TENM4: variants seen among roughly 807,000 people sequenced by gnomAD.
TENM4 encodes teneurin transmembrane protein 4.
A neutral mutation model predicts 243.3 loss-of-function variants in TENM4; 82 were observed. The ratio of observed to expected loss-of-function variants is 0.34; its 90% CI spans 0.28 to 0.40. TENM4 has a LOEUF of 0.40. TENM4 is among the 10% of genes least tolerant of loss of function. The pLI is 1.00. For missense variants in TENM4, 3,138 were observed against 3,673.3 expected, an observed-to-expected ratio of 0.85 and a Z score of 3.77; for synonymous variants, 1,412 against 1,456.3, an observed-to-expected ratio of 0.97 and a Z score of 0.69.
chr11:78,849,039 C>T (rs1858467420), intron 12 of TENM4, among the ~76,000 whole-genome samples: 1 of 152,142 alleles, frequency 6.6e-6, no homozygotes, highest in South Asian at 2.1e-4. Context: ...CATTTCTTTT[C>T]TCTAGGTTTC....
chr11:79,284,209 C>A (rs1856208893), intron 2 of TENM4, among the ~76,000 whole-genome samples: 1 of 152,054 alleles, frequency 6.6e-6, no homozygotes, highest in Admixed American at 6.5e-5. Context: ...CTAGTGTATC[C>A]TGAACTTTAT....
chr11:78,694,603 C>T (rs762581332), intron 28 of TENM4, among the ~76,000 whole-genome samples: 2 of 152,146 alleles, frequency 1.3e-5, no homozygotes, highest in Non-Finnish European at 2.9e-5. Context: ...CCTGGCTTGG[C>T]GACTCATGGC....
chr11:78,840,336 T>C lies in TENM4; in HGVS notation c.1681+13768A>G, dbSNP rs565377340. On this transcript the variant is annotated intron_variant, in intron 12 of 33. Coordinates refer to ENST00000278550, the MANE Select transcript of TENM4 (RefSeq NM_001098816.3). Reference sequence around the variant, plus strand: ...TCTTGGCCTATGACACAAATGAAAATAAAAAAAAAATCAGGCTGACATGTA... The same window carrying C: ...TCTTGGCCTATGACACAAATGAAAACAAAAAAAAAATCAGGCTGACATGTA... Among the ~76,000 whole-genome samples, 25 of 148,040 alleles carry C rather than the reference T, an allele frequency of 1.7e-4. 1 individual carries two copies. The South Asian group carries it at 5.1e-3, about 30-fold the overall frequency.
intron 7 of TENM4, among the ~76,000 whole-genome samples, chr11:78,897,323 T>A (rs1855821113): frequency 6.6e-6 from 1 of 152,126 alleles, no homozygotes; most frequent in Non-Finnish European, 1.5e-5. Flanking sequence ...GATTCTGCTT[T>A]TCTGCCTTTC....
intron 6 of TENM4, among the ~76,000 whole-genome samples, chr11:78,934,552 A>T (rs145269718): frequency 6.6e-6 from 1 of 152,156 alleles, no homozygotes; most frequent in Non-Finnish European, 1.5e-5. Flanking sequence ...CTCTGAGTCT[A>T]TGAAATCCAC....
intron 27 of TENM4, among the ~76,000 whole-genome samples, chr11:78,704,032 T>C (rs1029702533): frequency 1.5e-4 from 21 of 136,592 alleles, no homozygotes; most frequent in East Asian, 1.0e-3. Context: ...CACATATATA[T>C]ATACACACAC....
intron 1 of TENM4, among the ~76,000 whole-genome samples, chr11:79,419,925 A>T (rs941863967): frequency 6.6e-6 from 1 of 152,148 alleles, no homozygotes; most frequent in Non-Finnish European, 1.5e-5. Context: ...GAGTTTGAGT[A>T]TGAGACTTCC....
At chr11:79,020,086 T>G (rs2136796948) in intron 6 of TENM4, among the ~76,000 whole-genome samples, 1 of 152,328 alleles carries the variant, frequency 6.6e-6, no homozygotes, top group Admixed American at 6.5e-5. Flanking sequence ...AACTCATCAC[T>G]TCTTTGTTAA....
intron 1 of TENM4, among the ~76,000 whole-genome samples, chr11:79,371,517 A>G (rs929069320): frequency 6.6e-6 from 1 of 152,174 alleles, no homozygotes; most frequent in African/African-American, 2.4e-5. Context: ...TTAGTTCTCC[A>G]AGGAATCCTC....
intron 2 of TENM4, among the ~76,000 whole-genome samples, chr11:79,248,220 G>T (rs375252167): frequency 6.6e-6 from 1 of 152,176 alleles, no homozygotes; most frequent in Non-Finnish European, 1.5e-5. Context: ...CTCCCCACAA[G>T]GTACCTGGCA....
At chr11:78,736,445 A>AGAGT (rs951605034) in intron 20 of TENM4, among the ~76,000 whole-genome samples, 1 of 145,182 alleles carries the variant, frequency 6.9e-6, no homozygotes, top group African/African-American at 2.6e-5. Flanking sequence ...GATTTCAGCA[A>AGAGT]GTGTGTGTGT....
At chr11:78,712,835 C>T in intron 25 of TENM4, 121 bp from the exon 26 acceptor site, 1 of 946,590 alleles carries the variant, frequency 1.1e-6, no homozygotes, top group Non-Finnish European at 1.6e-6. Flanking sequence ...GGGGATGATG[C>T]CCCTATTTTG....
In TENM4 at chr11:78,738,529, C is replaced by T. The variant is rs757872169; in HGVS notation, c.2798G>A (p.Gly933Glu). The change falls in exon 20 of 34, where the codon GGA (glycine) becomes GAA (glutamate). Residue 933 changes from glycine to glutamate, a missense_variant. Gly to Glu is a moderately conservative substitution (Grantham distance 98, BLOSUM62 -2). Coordinates refer to ENST00000278550, the MANE Select transcript of TENM4 (RefSeq NM_001098816.3). Reference protein sequence around the residue: ...VIRGQVMTSDGTPLVGVNISF... With the variant: ...VIRGQVMTSDETPLVGVNISF... ...GATGTTCACACCAACCAGGGGGGTT[C>T]CATCTGATGTCATCACTTGGCCACG... The T allele has an allele frequency of 1.1e-5, 17 of 1,613,822 alleles. No individual in the cohort carries two copies. The South Asian group carries it at 1.9e-4, about 18-fold the overall frequency.
chr11:79,024,766 C>T (rs1859032527), intron 6 of TENM4, among the ~76,000 whole-genome samples: 1 of 152,296 alleles, frequency 6.6e-6, no homozygotes, highest in South Asian at 2.1e-4. Context: ...TTATGTATTA[C>T]TGCAGAGTTC....
At position 78,658,009 on chromosome 11, in the gene TENM4, G is replaced by A. The variant is rs753762609; in HGVS notation, c.*49C>T. On this transcript the variant is annotated 3_prime_UTR_variant, in exon 34 of 34. Coordinates refer to ENST00000278550, the MANE Select transcript of TENM4 (RefSeq NM_001098816.3). The stretch of plus-strand genomic sequence containing the variant: ...AAAAGTACAACACAGTCAGGTATGC[G>A]GCCACAAAAGAGTAGCTGTCTTTGG... 31 of 1,607,936 alleles carry A rather than the reference G, an allele frequency of 1.9e-5. 1 individual carries two copies. The Middle Eastern group carries it at 1.3e-3, about 68-fold the overall frequency.
chr11:79,081,613 C>G (rs1860677312), intron 4 of TENM4, among the ~76,000 whole-genome samples: 1 of 151,258 alleles, frequency 6.6e-6, no homozygotes, highest in Non-Finnish European at 1.5e-5. Flanking sequence ...TGTTCAGAAA[C>G]CAAAGGCTCT....
intron 2 of TENM4, among the ~76,000 whole-genome samples, chr11:79,292,696 C>T (rs905229779): frequency 6.6e-6 from 1 of 152,238 alleles, no homozygotes; most frequent in Non-Finnish European, 1.5e-5. Context: ...AAGCACCAAG[C>T]TTTCATGTCA....
At chr11:79,052,054 G>T (rs1348182040) in intron 6 of TENM4, among the ~76,000 whole-genome samples, 2 of 152,108 alleles carry the variant, frequency 1.3e-5, no homozygotes, top group Non-Finnish European at 2.9e-5. Flanking sequence ...CCATGTTTTT[G>T]CTATTGTAAA....
chr11:79,390,992 C>G (rs1858221734), intron 1 of TENM4, among the ~76,000 whole-genome samples: 1 of 152,138 alleles, frequency 6.6e-6, no homozygotes, highest in African/African-American at 2.4e-5. Context: ...TTTGCTTGAG[C>G]CTGGCTTTAG....
Sources: allele counts gnomAD v4.1 joint callset (sites outside exome capture counted in the v4.1 genomes callset), GRCh38; gene constraint gnomAD v4.1.1; transcripts MANE v1.5; gene names NCBI Gene and HGNC (gene_info 2026-07-23, HGNC 2026-07-21).